The following KCTD10 variants were observed in gnomAD, a reference collection of about 807,000 sequenced individuals.
KCTD10 encodes BTB/POZ domain-containing adapter for CUL3-mediated RhoA degradation protein 3.
A neutral mutation model predicts 34.6 loss-of-function variants in KCTD10; 13 were observed. That is an observed-to-expected ratio of 0.38 (90% CI 0.24 to 0.60). The LOEUF is 0.60. KCTD10 is among the 20% of genes least tolerant of loss of function. The pLI is 0.66. For missense variants in KCTD10, 256 were observed against 420.3 expected, an observed-to-expected ratio of 0.61 and a Z score of 3.42; for synonymous variants, 156 against 168.8, an observed-to-expected ratio of 0.92 and a Z score of 0.59.
intron 5 of KCTD10, chr12:109,456,772 G>A (rs1873042407): frequency 1.2e-5 from 2 of 171,302 alleles, no homozygotes; most frequent in South Asian, 2.8e-4. Context: ...AGAGCCACAT[G>A]TTTTCAAGGG....
intron 2 of KCTD10, among the ~76,000 whole-genome samples, chr12:109,461,836 G>A (rs1459633195): frequency 2.0e-5 from 3 of 152,210 alleles, no homozygotes; most frequent in Admixed American, 6.5e-5. Context: ...GCGTCCCCAC[G>A]GCTCCTGCCA....
chr12:109,463,396 G>T (rs184450612), intron 2 of KCTD10, among the ~76,000 whole-genome samples: 2 of 152,202 alleles, frequency 1.3e-5, no homozygotes, highest in African/African-American at 4.8e-5. Flanking sequence ...TTCAATCAGC[G>T]TTTTGACTTT....
At chr12:109,466,391 CATT>C (rs1873589621) in intron 2 of KCTD10, among the ~76,000 whole-genome samples, 1 of 152,214 alleles carries the variant, frequency 6.6e-6, no homozygotes, top group African/African-American at 2.4e-5. Flanking sequence ...CTCTGCAAAA[CATT>C]ATCATTCATA....
intron 2 of KCTD10, among the ~76,000 whole-genome samples, chr12:109,466,970 T>C (rs1298123986): frequency 6.6e-6 from 1 of 152,222 alleles, no homozygotes; most frequent in Non-Finnish European, 1.5e-5. Context: ...GGCTATGCAG[T>C]GCTCTCTCCA....
In KCTD10 at chr12:109,460,766, G is replaced by A. The variant is rs763156025; in HGVS notation, c.257C>T (p.Thr86Met). Residue 86 changes from threonine to methionine, a missense_variant, in exon 3 of 7, where the codon ACG becomes ATG. By Grantham distance (81) the Thr-to-Met change is moderately conservative. This residue lies in a region of KCTD10 where 155 missense variants were observed against 207.0 expected (regional missense o/e 0.75). Coordinates refer to ENST00000228495, the MANE Select transcript of KCTD10 (RefSeq NM_031954.5). This position sits in a 1 kb window ranked among gnomAD's most constrained non-coding sequence, Gnocchi z 4.5. ...LIDRCGKHFG[T>M]ILNYLRDGAV... ...CCCGTCTCGAAGGTAGTTGAGTATC[G>A]TACCAAAGTGCTTCCCACAGCGGTC... 26 of 1,614,036 alleles carry A rather than the reference G, an allele frequency of 1.6e-5. No individual in the cohort carries two copies. Among genetic ancestry groups the A allele is most frequent in the South Asian group, 4.4e-5 (4 of 91,090 alleles).
At chr12:109,469,189 G>C in intron 2 of KCTD10, 1 of 306,236 alleles carries the variant, frequency 3.3e-6, no homozygotes. Context: ...GGGGAGCTGA[G>C]ACTGAAACCC....
intron 1 of KCTD10, chr12:109,470,792 A>G (rs1042228163): frequency 5.5e-6 from 1 of 180,340 alleles, no homozygotes; most frequent in African/African-American, 2.4e-5. Flanking sequence ...AAGATCCCCT[A>G]TCCTGGCTAA....
chr12:109,458,065 T>A lies in KCTD10; in HGVS notation c.401A>T (p.Tyr134Phe), dbSNP rs1436866709. The change falls in exon 4 of 7, where the codon TAT becomes TTT. Residue 134 changes from tyrosine to phenylalanine, a missense_variant. Transcript: ENST00000228495. ...CQAALQNKDTYEPFCKVPVIT... is the reference protein window; with the variant it reads ...CQAALQNKDTFEPFCKVPVIT... ...CACAGGGACCTTGCAGAAAGGCTCA[T>A]AAGTATCTTTGTTCTGCTGGAACAA... 6.2e-7 allele frequency: 1 copy of A among 1,614,092 alleles called. No homozygotes were observed. The highest frequency in any genetic ancestry group is 1.7e-5 in the Admixed American group (1 of 60,034).
Position 109,451,709 on chromosome 12 carries a change from G to C in KCTD10, c.828C>G (p.Gly276=). 6.2e-7 allele frequency: 1 copy of C among 1,614,002 alleles called. No homozygotes were observed. Among genetic ancestry groups the C allele is most frequent in the Non-Finnish European group, 8.5e-7 (1 of 1,179,950 alleles). ...GPDNALLEAT[G]GAAGRSHHLD... ...GGTGGTGGGAGCGCCCCGCCGCCCC[G>C]CCTGTGGCCTCCAGGAGCGCATTGT... is the stretch of plus-strand genomic sequence containing the variant. Residue 276 remains glycine, a synonymous_variant, in exon 7 of 7, where the codon GGC becomes GGG. Coordinates refer to ENST00000228495, the MANE Select transcript of KCTD10 (RefSeq NM_031954.5). This position sits in a 1 kb window ranked among gnomAD's most constrained non-coding sequence, Gnocchi z 5.0.
intron 1 of KCTD10, among the ~76,000 whole-genome samples, chr12:109,475,947 C>T (rs2135690886): frequency 6.6e-6 from 1 of 152,322 alleles, no homozygotes; most frequent in South Asian, 2.1e-4. Flanking sequence ...CTATTTCTCT[C>T]AATGTTCTAG....
At chr12:109,465,114 C>G (rs1018291648) in intron 2 of KCTD10, among the ~76,000 whole-genome samples, 2 of 152,146 alleles carry the variant, frequency 1.3e-5, no homozygotes, top group African/African-American at 4.8e-5. Flanking sequence ...CTCCCACGCA[C>G]GGGGAAAGCG....
chr12:109,467,211 T>C (rs966803933), intron 2 of KCTD10, among the ~76,000 whole-genome samples: 3 of 152,202 alleles, frequency 2.0e-5, no homozygotes, highest in Admixed American at 1.3e-4. Context: ...AGCTTCACCT[T>C]TTCTAGTCCC....
chr12:109,451,555 T>A lies in KCTD10; in HGVS notation c.*40A>T. ...GATCTGGGTGTAGCACGGCAGGGAG[T>A]GGGGGCGGTGAGAGGAGGGCGGCTC... On this transcript the variant is annotated 3_prime_UTR_variant, in exon 7 of 7. Coordinates refer to ENST00000228495, the MANE Select transcript of KCTD10 (RefSeq NM_031954.5). This position sits in a 1 kb window ranked among gnomAD's most constrained non-coding sequence, Gnocchi z 5.0. 2 of 1,553,154 alleles carry A rather than the reference T, an allele frequency of 1.3e-6. No individual in the cohort carries two copies. Among genetic ancestry groups the A allele is most frequent in the Non-Finnish European group, 8.7e-7 (1 of 1,143,808 alleles).
intron 2 of KCTD10, among the ~76,000 whole-genome samples, chr12:109,467,255 TGG>T (rs1592844990): frequency 6.6e-6 from 1 of 152,200 alleles, no homozygotes; most frequent in South Asian, 2.1e-4. Context: ...ACCTCTGAAA[TGG>T]GGACTCCTCA....
chr12:109,452,447 G>A (rs751886434), intron 6 of KCTD10, among the ~76,000 whole-genome samples: 87 of 152,290 alleles, frequency 5.7e-4, no homozygotes, highest in Non-Finnish European at 9.3e-4. Flanking sequence ...TGCCCTTCAG[G>A]GTTAAGGTGT....
rs748196046 is a variant in KCTD10, at chr12:109,456,250, G to A, written c.591C>T (p.Asn197=). 30 of 1,614,048 alleles carry A rather than the reference G, an allele frequency of 1.9e-5. No individual in the cohort carries two copies. In the East Asian group the frequency reaches 2.4e-4, roughly 13 times the overall value. ...ELFDKLSLRF[N]GRVLFIKDVI... The stretch of plus-strand genomic sequence containing the variant: ...CATCCTTTATGAACAGGACCCTTCC[G>A]TTAAAGCGCAGAGACAGCTTATCAA... The change falls in exon 6 of 7, where the codon AAC becomes AAT. Residue 197 remains asparagine, a synonymous_variant. Coordinates refer to ENST00000228495, the MANE Select transcript of KCTD10 (RefSeq NM_031954.5).
chr12:109,461,294 G>C (rs1873313165), intron 2 of KCTD10, among the ~76,000 whole-genome samples: 1 of 152,198 alleles, frequency 6.6e-6, no homozygotes, highest in Non-Finnish European at 1.5e-5. Flanking sequence ...CGCAGACTGT[G>C]ACCTCTGACT....
intron 2 of KCTD10, among the ~76,000 whole-genome samples, chr12:109,464,384 CACTT>C (rs1268740054): frequency 6.6e-6 from 1 of 152,168 alleles, no homozygotes; most frequent in Non-Finnish European, 1.5e-5. Flanking sequence ...GGCCTCTACT[CACTT>C]GACGCCAGGA....
intron 2 of KCTD10, among the ~76,000 whole-genome samples, chr12:109,468,158 T>A (rs746200845): frequency 6.6e-6 from 1 of 152,130 alleles, no homozygotes; most frequent in Non-Finnish European, 1.5e-5. Flanking sequence ...AGATGGCAGC[T>A]TTGGGGCTCC....
Sources: gnomAD v4.1 joint callset for allele counts (sites outside exome capture counted in the v4.1 genomes callset) on GRCh38, gnomAD v4.1.1 for gene constraint, gnomAD v4.1.1 regional missense constraint, Gnocchi (gnomAD v3.1) non-coding constraint, MANE v1.5 for transcripts, NCBI Gene and HGNC (gene_info 2026-07-23, HGNC 2026-07-21) for gene names.